The following TMTC1 variants were observed in gnomAD, a reference collection of about 807,000 sequenced individuals.
TMTC1 encodes protein O-mannosyl-transferase TMTC1.
Under a neutral mutation model 104.8 loss-of-function variants are expected in TMTC1, and 73 were observed. The observed-to-expected ratio is 0.70, with a 90% CI of 0.58 to 0.85. TMTC1 has a LOEUF of 0.85. TMTC1 is among the 40% of genes least tolerant of loss of function. The probability of loss-of-function intolerance (pLI) is 0.00; values close to 1 mark genes in which losing one functional copy is unlikely to be tolerated. For missense variants in TMTC1, 1,035 were observed against 1,096.1 expected (o/e 0.94, Z 0.79); for synonymous variants, 434 against 428.7 (o/e 1.01, Z -0.15).
intron 5 of TMTC1, among the ~76,000 whole-genome samples, chr12:29,647,085 C>T (rs35162187): frequency 0.12 from 18,093 of 152,194 alleles, 1,087 homozygotes; most frequent in African/African-American, 0.14. Flanking sequence ...TACAGTGGCG[C>T]AATCTCGGCT....
At chr12:29,683,845 ATTT>A (rs57599919) in intron 5 of TMTC1, among the ~76,000 whole-genome samples, 1 of 140,958 alleles carries the variant, frequency 7.1e-6, no homozygotes. Context: ...ATTTCCTATC[ATTT>A]TTTTTTTTTT....
Position 29,686,625 on chromosome 12 carries a change from T to C in TMTC1, c.939-53289A>G, listed in dbSNP as rs111782566. Among the ~76,000 whole-genome samples, 19 of 152,296 alleles carry C rather than the reference T, an allele frequency of 1.2e-4. 2 individuals are homozygous for C. Among genetic ancestry groups the C allele is most frequent in the African/African-American group, 4.3e-4 (18 of 41,570 alleles). ...AGGGCTGCTCTCCAACCCATAGCTA[T>C]TGCCTGTACAGACACCATCCTTGAG... On this transcript the variant is annotated intron_variant, in intron 5 of 17. Transcript: ENST00000539277.
chr12:29,643,611 TAA>T (rs1491125382), intron 5 of TMTC1, among the ~76,000 whole-genome samples: 7 of 38,494 alleles, frequency 1.8e-4, no homozygotes, highest in Non-Finnish European at 2.4e-4. Context: ...ATATTATATA[TAA>T]TATATATCTA....
chr12:29,525,762 CT>C (rs1002872678), intron 11 of TMTC1, among the ~76,000 whole-genome samples: 1 of 152,146 alleles, frequency 6.6e-6, no homozygotes, highest in Non-Finnish European at 1.5e-5. Flanking sequence ...GGAAGTGGAT[CT>C]GATTATCCAC....
At chr12:29,676,251 T>C (rs1003513200) in intron 5 of TMTC1, among the ~76,000 whole-genome samples, 2 of 152,186 alleles carry the variant, frequency 1.3e-5, no homozygotes, top group Non-Finnish European at 2.9e-5. Flanking sequence ...GGACTTAATT[T>C]AAAAGTTTGT....
intron 5 of TMTC1, among the ~76,000 whole-genome samples, chr12:29,653,475 T>C (rs76749255): frequency 0.051 from 7,705 of 152,202 alleles, 226 homozygotes; most frequent in Admixed American, 0.069. Flanking sequence ...AAATGGACAA[T>C]TGGGCCTTGG....
chr12:29,659,786 C>A (rs1281989738), intron 5 of TMTC1: 1 of 897,596 alleles, frequency 1.1e-6, no homozygotes, highest in Non-Finnish European at 1.7e-6. Context: ...GGAGGATAGA[C>A]CCCAATCCTC....
chr12:29,547,239 G>A (rs911399641), intron 10 of TMTC1, among the ~76,000 whole-genome samples: 7 of 152,188 alleles, frequency 4.6e-5, no homozygotes, highest in African/African-American at 1.7e-4. Flanking sequence ...CTCCCACCCA[G>A]CACTTCCTGG....
intron 7 of TMTC1, among the ~76,000 whole-genome samples, chr12:29,602,085 C>T (rs145354242): frequency 2.0e-5 from 3 of 152,144 alleles, no homozygotes; most frequent in Non-Finnish European, 2.9e-5. Flanking sequence ...CTGCCCGCCT[C>T]GGCCTCCCAA....
chr12:29,511,059 C>T (rs1429946502), intron 17 of TMTC1, among the ~76,000 whole-genome samples: 1 of 152,224 alleles, frequency 6.6e-6, no homozygotes, highest in African/African-American at 2.4e-5. Context: ...CAGGTCTCTT[C>T]TCAAATACTA....
chr12:29,551,460 T>C (rs1453829781), intron 10 of TMTC1, among the ~76,000 whole-genome samples: 2 of 152,218 alleles, frequency 1.3e-5, no homozygotes, highest in Admixed American at 1.3e-4. Context: ...TCATCTGCTA[T>C]ATAGTTCAAT....
intron 11 of TMTC1, among the ~76,000 whole-genome samples, chr12:29,531,240 A>C (rs1459529900): frequency 6.6e-6 from 1 of 152,146 alleles, no homozygotes. Context: ...GTCTTCGTCC[A>C]AGTTGACTTA....
chr12:29,754,233 T>G (rs1943162731), intron 4 of TMTC1, among the ~76,000 whole-genome samples: 1 of 150,068 alleles, frequency 6.7e-6, no homozygotes, highest in Admixed American at 6.6e-5. Flanking sequence ...TCAGCAGTAT[T>G]AATCCTCCCA....
chr12:29,670,729 G>A (rs11834387), intron 5 of TMTC1, among the ~76,000 whole-genome samples: 39,454 of 151,242 alleles, frequency 0.26, 5,682 homozygotes, highest in African/African-American at 0.36. Flanking sequence ...AGGAGTTCCA[G>A]ACCAGCCTGA....
intron 8 of TMTC1, among the ~76,000 whole-genome samples, chr12:29,573,447 G>C (rs573489309): frequency 4.7e-4 from 72 of 152,276 alleles, no homozygotes; most frequent in African/African-American, 1.6e-3. Flanking sequence ...CACACACTGT[G>C]CCAGGTGCTG....
At chr12:29,523,037 G>A (rs3850964) in intron 11 of TMTC1, among the ~76,000 whole-genome samples, 2 of 151,946 alleles carry the variant, frequency 1.3e-5, no homozygotes, top group Non-Finnish European at 2.9e-5. Context: ...GAATTGGGGA[G>A]CCCTGAATAA....
intron 2 of TMTC1, among the ~76,000 whole-genome samples, chr12:29,762,206 A>G (rs185089006): frequency 3.1e-3 from 477 of 152,270 alleles, no homozygotes; most frequent in South Asian, 8.5e-3. Context: ...ATAAGCATGG[A>G]GGTAAACCAT....
chr12:29,704,082 T>A (rs1265879616), intron 5 of TMTC1, among the ~76,000 whole-genome samples: 1 of 152,232 alleles, frequency 6.6e-6, no homozygotes, highest in African/African-American at 2.4e-5. Flanking sequence ...CATAGCAGTA[T>A]GAAAATGTAC....
intron 10 of TMTC1, among the ~76,000 whole-genome samples, chr12:29,542,992 C>T (rs1418733441): frequency 6.6e-6 from 1 of 152,140 alleles, no homozygotes; most frequent in Non-Finnish European, 1.5e-5. Context: ...TGCAGCAAAA[C>T]TCAACTCTCT....
Sources: gnomAD v4.1 joint callset for allele counts (sites outside exome capture counted in the v4.1 genomes callset) on GRCh38, gnomAD v4.1.1 for gene constraint, MANE v1.5 for transcripts, NCBI Gene and HGNC (gene_info 2026-07-23, HGNC 2026-07-21) for gene names.